The following DNAH7 variants were observed in gnomAD, a reference collection of about 807,000 sequenced individuals.
The protein encoded by DNAH7 is axonemal beta dynein heavy chain 7.
A neutral mutation model predicts 444.6 loss-of-function variants in DNAH7; 397 were observed. That is an observed-to-expected ratio of 0.89 (90% CI 0.82 to 0.97). The LOEUF (loss-of-function observed/expected upper bound fraction) is 0.97. DNAH7 is among the 50% of genes least tolerant of loss of function. The probability of loss-of-function intolerance (pLI) is 0.00; values close to 1 mark genes in which losing one functional copy is unlikely to be tolerated. For synonymous variants in DNAH7, 1,636 were observed against 1,624.4 expected (o/e 1.01, Z -0.17); for missense variants, 4,902 against 4,800.8 (o/e 1.02, Z -0.62).
chr2:195,759,652 A>G (rs1287655092), intron 61 of DNAH7, among the ~76,000 whole-genome samples: 1 of 152,102 alleles, frequency 6.6e-6, no homozygotes, highest in Non-Finnish European at 1.5e-5. Flanking sequence ...GGAGTTCAAG[A>G]CTAGCCTGGG....
chr2:195,939,363 C>G (rs1421585140), intron 19 of DNAH7, among the ~76,000 whole-genome samples: 1 of 152,142 alleles, frequency 6.6e-6, no homozygotes, highest in Non-Finnish European at 1.5e-5. Context: ...TTAAATTCCT[C>G]TAAGAATCGC....
intron 15 of DNAH7, among the ~76,000 whole-genome samples, chr2:195,978,741 T>C (rs1481376730): frequency 2.0e-5 from 3 of 152,064 alleles, no homozygotes; most frequent in African/African-American, 7.2e-5. Context: ...AGATATTCCA[T>C]GCCAATGAAA....
intron 61 of DNAH7, among the ~76,000 whole-genome samples, chr2:195,764,520 T>C (rs1694484609): frequency 6.6e-6 from 1 of 152,116 alleles, no homozygotes; most frequent in South Asian, 2.1e-4. Context: ...ACTGTTGGAA[T>C]TGATAAATTC....
chr2:195,978,605 A>C (rs549263591), intron 15 of DNAH7, among the ~76,000 whole-genome samples: 1 of 152,232 alleles, frequency 6.6e-6, no homozygotes, highest in South Asian at 2.1e-4. Flanking sequence ...AATGGACTAA[A>C]CTCTCCAATC....
intron 24 of DNAH7, 110 bp from the exon 25 acceptor site, chr2:195,910,305 T>C (rs987444905): frequency 3.5e-6 from 3 of 863,854 alleles, no homozygotes; most frequent in Non-Finnish European, 5.1e-6. Flanking sequence ...AGCTTCCTCT[T>C]TGATAATTTC....
intron 46 of DNAH7, among the ~76,000 whole-genome samples, chr2:195,846,304 A>G (rs969576470): frequency 1.3e-5 from 2 of 152,216 alleles, no homozygotes; most frequent in African/African-American, 4.8e-5. Context: ...CCAAACCACA[A>G]TGAGATACCA....
intron 14 of DNAH7, among the ~76,000 whole-genome samples, chr2:195,985,741 ACGAAATTAAAATAAGTATTTC>A (rs1692864259): frequency 6.6e-6 from 1 of 152,216 alleles, no homozygotes; most frequent in Non-Finnish European, 1.5e-5. Context: ...GGAAGTAGCT[ACGAAATTAAAATAAGTATTTC>A]ACCCAGCATG....
At chr2:195,998,894 CAAA>C in intron 12 of DNAH7, 1 of 428,812 alleles carries the variant, frequency 2.3e-6, no homozygotes, top group Non-Finnish European at 4.2e-6. Context: ...GAAATAACAA[CAAA>C]AAAAAAAGTC....
In DNAH7 at chr2:195,972,430, C is replaced by T. The variant is rs1457087459; in HGVS notation, c.1870G>A (p.Glu624Lys). 1 of 1,614,056 alleles carries T rather than the reference C, an allele frequency of 6.2e-7. No individual in the cohort carries two copies. The highest frequency in any genetic ancestry group is 8.5e-7 in the Non-Finnish European group (1 of 1,180,004). Residue 624 changes from glutamate (E) to lysine (K), a missense_variant, in exon 16 of 65, where the codon GAA becomes AAA. Glu to Lys is a moderately conservative substitution (Grantham distance 56). Coordinates refer to ENST00000312428, the MANE Select transcript of DNAH7 (RefSeq NM_018897.3). ...IQKVEVTDMI[E>K]LEQRLVDSKN... ...GAATCCACTAATCTCTGTTCTAGTT[C>T]AATCATATCAGTTACCTCCACTTTC...
intron 24 of DNAH7, among the ~76,000 whole-genome samples, chr2:195,916,775 T>C (rs1040192355): frequency 2.9e-4 from 44 of 149,186 alleles, no homozygotes; most frequent in African/African-American, 1.1e-3. Context: ...GGAGAGTCAT[T>C]TGAAGCCTGG....
intron 15 of DNAH7, among the ~76,000 whole-genome samples, chr2:195,973,674 G>A (rs554357593): frequency 3.9e-4 from 60 of 152,176 alleles, no homozygotes; most frequent in African/African-American, 1.2e-3. Flanking sequence ...GTTTCACCAC[G>A]TTGGACAGGC....
intron 46 of DNAH7, among the ~76,000 whole-genome samples, chr2:195,848,331 G>C (rs545739005): frequency 1.3e-5 from 2 of 152,212 alleles, no homozygotes; most frequent in African/African-American, 2.4e-5. Context: ...ATGATTCCTG[G>C]CACCATGCCA....
chr2:195,845,897 A>G (rs549962163), intron 46 of DNAH7, among the ~76,000 whole-genome samples: 12 of 152,364 alleles, frequency 7.9e-5, no homozygotes, highest in Non-Finnish European at 1.2e-4. Flanking sequence ...ACCTAAAACT[A>G]TAAAACCTTA....
intron 9 of DNAH7, among the ~76,000 whole-genome samples, chr2:196,013,736 C>G (rs1382943476): frequency 6.6e-6 from 1 of 152,172 alleles, no homozygotes; most frequent in African/African-American, 2.4e-5. Context: ...ATGTGTTATT[C>G]TGCATAATTG....
At chr2:196,048,887 G>A (rs1260209853) in intron 3 of DNAH7, among the ~76,000 whole-genome samples, 1 of 152,170 alleles carries the variant, frequency 6.6e-6, no homozygotes, top group African/African-American at 2.4e-5. Context: ...CATAAAAAGG[G>A]AGAAGGCTAA....
chr2:195,977,562 G>A lies in DNAH7; in HGVS notation c.1834-5096C>T, dbSNP rs1260559096. 6.6e-5 allele frequency among the ~76,000 whole-genome samples: 10 copies of A among 152,012 alleles called. 1 individual carries two copies. Among genetic ancestry groups the A allele is most frequent in the Admixed American group, 4.6e-4 (7 of 15,252 alleles). On this transcript the variant is annotated intron_variant, in intron 15 of 64. Coordinates refer to ENST00000312428, the MANE Select transcript of DNAH7 (RefSeq NM_018897.3). ...TGGCCTTAAAGAAGAGGTAGAGAGA[G>A]ATAGGTAGAACCTTATTCAAAAGGA... is the stretch of plus-strand genomic sequence containing the variant.
At chr2:195,895,525 C>T (rs1363920315) in intron 29 of DNAH7, among the ~76,000 whole-genome samples, 2 of 152,210 alleles carry the variant, frequency 1.3e-5, no homozygotes, top group East Asian at 1.9e-4. Flanking sequence ...CTGCAGCCTC[C>T]GCCTCCCAGG....
chr2:195,968,277 A>AT (rs1287974232), intron 17 of DNAH7, among the ~76,000 whole-genome samples: 1 of 152,122 alleles, frequency 6.6e-6, no homozygotes, highest in African/African-American at 2.4e-5. Context: ...TACCACCTGG[A>AT]TATCACTATT....
intron 2 of DNAH7, among the ~76,000 whole-genome samples, chr2:196,056,612 C>A (rs1232604958): frequency 1.3e-5 from 2 of 151,964 alleles, no homozygotes; most frequent in Non-Finnish European, 2.9e-5. Context: ...AAATGCTATT[C>A]CTTGACCCTC....
Sources: gnomAD v4.1 joint callset for allele counts (sites outside exome capture counted in the v4.1 genomes callset) on GRCh38, gnomAD v4.1.1 for gene constraint, MANE v1.5 for transcripts, NCBI Gene and HGNC (gene_info 2026-07-23, HGNC 2026-07-21) for gene names.